The following ROBO2 variants were observed in gnomAD, a reference collection of about 807,000 sequenced individuals.
ROBO2 encodes the protein roundabout guidance receptor 2.
In ROBO2, 53 loss-of-function variants were observed where a neutral mutation model predicts 160.8. That is an observed-to-expected ratio of 0.33 (90% CI 0.26 to 0.41). The LOEUF (loss-of-function observed/expected upper bound fraction) is 0.41, where lower values mean the gene tolerates loss of function less well. ROBO2 is among the 10% of genes least tolerant of loss of function. ROBO2 has a pLI of 1.00. For synonymous variants in ROBO2, 664 were observed against 611.7 expected (o/e 1.09, Z -1.26); for missense variants, 1,577 against 1,722.4 (o/e 0.92, Z 1.49).
At chr3:77,229,025 AC>A (rs1047703567) in intron 2 of ROBO2, among the ~76,000 whole-genome samples, 2 of 152,162 alleles carry the variant, frequency 1.3e-5, no homozygotes, top group African/African-American at 4.8e-5. Flanking sequence ...TATCTGCCAA[AC>A]CAATGCAATC....
chr3:77,141,689 G>C (rs922918265), intron 2 of ROBO2, among the ~76,000 whole-genome samples: 9 of 152,130 alleles, frequency 5.9e-5, no homozygotes, highest in Non-Finnish European at 1.3e-4. Flanking sequence ...GTAATTCTGG[G>C]AGGAAGATTA....
chr3:76,341,557 A>G (rs2074233403), intron 2 of ROBO2, among the ~76,000 whole-genome samples: 1 of 151,862 alleles, frequency 6.6e-6, no homozygotes, highest in Admixed American at 6.6e-5. Context: ...GGACTGTTCA[A>G]CTGGATCATT....
rs528789195 is a variant in ROBO2 at position 77,394,339 on chromosome 3, G to A, written c.389-83075G>A. Among the ~76,000 whole-genome samples, 5 of 152,096 alleles carry A rather than the reference G, an allele frequency of 3.3e-5. No individual in the cohort carries two copies. The East Asian group carries it at 5.8e-4, about 18-fold the overall frequency. Reference sequence around the variant, plus strand: ...GGGAGGGAGATGCCGTTGGCTGGTCGCCTCCCTATTCTTGAAGTGAAAAGA... The same window carrying A: ...GGGAGGGAGATGCCGTTGGCTGGTCACCTCCCTATTCTTGAAGTGAAAAGA... On this transcript the variant is annotated intron_variant, in intron 2 of 25. Transcript: ENST00000461745.
At chr3:77,023,169 G>C (rs2062746387) in intron 2 of ROBO2, among the ~76,000 whole-genome samples, 1 of 152,190 alleles carries the variant, frequency 6.6e-6, no homozygotes, top group Non-Finnish European at 1.5e-5. Context: ...CTATTCTCAT[G>C]ATAGTGAAAA....
At chr3:75,980,224 T>C (rs1221082838) in intron 2 of ROBO2, among the ~76,000 whole-genome samples, 1 of 151,574 alleles carries the variant, frequency 6.6e-6, no homozygotes, top group African/African-American at 2.4e-5. Context: ...CTAGAATGTA[T>C]AAACTTTAGA....
At chr3:76,193,442 G>T (rs1258488806) in intron 2 of ROBO2, among the ~76,000 whole-genome samples, 2 of 152,118 alleles carry the variant, frequency 1.3e-5, no homozygotes, top group Non-Finnish European at 2.9e-5. Flanking sequence ...TCTGTTAGTT[G>T]TCCAAACAGA....
At chr3:75,964,225 T>A (rs1202367292) in intron 2 of ROBO2, among the ~76,000 whole-genome samples, 2 of 151,746 alleles carry the variant, frequency 1.3e-5, no homozygotes, top group Admixed American at 6.6e-5. Flanking sequence ...AGTATGATAA[T>A]TTTTTACATT....
intron 2 of ROBO2, among the ~76,000 whole-genome samples, chr3:76,328,024 AAAG>A (rs1243999696): frequency 1.3e-5 from 2 of 152,178 alleles, no homozygotes; most frequent in Non-Finnish European, 2.9e-5. Context: ...GGGGAAAAAA[AAAG>A]AAGAAACCAG....
chr3:77,374,169 C>CAAAAAAAAAAAA (rs60357417), intron 2 of ROBO2, among the ~76,000 whole-genome samples: 1 of 40,106 alleles, frequency 2.5e-5, no homozygotes, highest in African/African-American at 1.5e-4. Context: ...GAGACTCCAT[C>CAAAAAAAAAAAA]AAAAAAAAAA....
chr3:76,690,609 G>A (rs776730115), intron 2 of ROBO2, among the ~76,000 whole-genome samples: 20 of 152,040 alleles, frequency 1.3e-4, no homozygotes, highest in East Asian at 1.9e-4. Flanking sequence ...CAGCAACACA[G>A]ACTAAGACAG....
At chr3:76,292,696 C>T (rs1163429396) in intron 2 of ROBO2, among the ~76,000 whole-genome samples, 1 of 151,684 alleles carries the variant, frequency 6.6e-6, no homozygotes, top group Non-Finnish European at 1.5e-5. Flanking sequence ...CTTCATGCAA[C>T]TTGAAAAAAA....
At chr3:77,480,816 T>A (rs1177898992) in intron 3 of ROBO2, among the ~76,000 whole-genome samples, 1 of 152,126 alleles carries the variant, frequency 6.6e-6, no homozygotes, top group Non-Finnish European at 1.5e-5. Flanking sequence ...GTGTGAAGAC[T>A]AACTACTGGG....
At chr3:76,622,286 GAAA>G (rs2089257951) in intron 2 of ROBO2, among the ~76,000 whole-genome samples, 2 of 94,034 alleles carry the variant, frequency 2.1e-5, no homozygotes, top group Admixed American at 1.1e-4. Context: ...AAGAAAGAAA[GAAA>G]GAAAGAAAGA....
intron 2 of ROBO2, among the ~76,000 whole-genome samples, chr3:76,663,860 C>T (rs1433871681): frequency 1.3e-5 from 2 of 151,574 alleles, no homozygotes; most frequent in Non-Finnish European, 2.9e-5. Flanking sequence ...GTCAAGATTG[C>T]GCCACTGCAC....
At chr3:76,538,743 C>T (rs1036570199) in intron 2 of ROBO2, among the ~76,000 whole-genome samples, 1 of 152,202 alleles carries the variant, frequency 6.6e-6, no homozygotes. Flanking sequence ...TCCGTCCCTC[C>T]CTTCCCTCTC....
chr3:77,047,407 G>T (rs144301656), intron 1 of ROBO2, among the ~76,000 whole-genome samples: 42 of 152,244 alleles, frequency 2.8e-4, no homozygotes, highest in African/African-American at 1.0e-3. Context: ...TATATAGGCA[G>T]GGCATGGTGG....
intron 2 of ROBO2, among the ~76,000 whole-genome samples, chr3:76,095,575 G>A (rs968680009): frequency 6.6e-6 from 1 of 151,850 alleles, no homozygotes; most frequent in African/African-American, 2.4e-5. Flanking sequence ...ATATATGAAG[G>A]CAACACTAAC....
intron 2 of ROBO2, among the ~76,000 whole-genome samples, chr3:76,875,319 A>T: frequency 6.6e-6 from 1 of 152,180 alleles, no homozygotes; most frequent in East Asian, 1.9e-4. Context: ...TTTGTAAATT[A>T]CCAGTCTCAG....
chr3:77,293,658 A>C (rs62251165), intron 2 of ROBO2, among the ~76,000 whole-genome samples: 4 of 119,896 alleles, frequency 3.3e-5, no homozygotes, highest in Non-Finnish European at 5.2e-5. Flanking sequence ...GATCACCCAG[A>C]CATAAAGTAA....
Sources: gnomAD v4.1 joint callset for allele counts (sites outside exome capture counted in the v4.1 genomes callset) on GRCh38, gnomAD v4.1.1 for gene constraint, MANE v1.5 for transcripts, NCBI Gene and HGNC (gene_info 2026-07-23, HGNC 2026-07-21) for gene names.